Variants in GALNT8 observed in about 807,000 individuals in gnomAD.
GALNT8 encodes the protein polypeptide N-acetylgalactosaminyltransferase 8.
In GALNT8, 66 loss-of-function variants were observed where a neutral mutation model predicts 62.7. The ratio of observed to expected loss-of-function variants is 1.05; its 90% CI spans 0.86 to 1.29. The LOEUF (loss-of-function observed/expected upper bound fraction) is 1.29. GALNT8 is among the 50% of genes most tolerant of loss of function. The pLI, the probability that GALNT8 is intolerant of heterozygous loss-of-function variation, is 0.00. For synonymous variants in GALNT8, 288 were observed against 294.3 expected, an observed-to-expected ratio of 0.98 and a Z score of 0.22; for missense variants, 771 against 791.8, an observed-to-expected ratio of 0.97 and a Z score of 0.32.
intron 6 of GALNT8, among the ~76,000 whole-genome samples, chr12:4,747,117 G>A (rs984284149): frequency 4.6e-5 from 7 of 152,088 alleles, no homozygotes; most frequent in African/African-American, 1.2e-4. Context: ...TATTTAGGGC[G>A]TGCATGTGAT....
At position 4,726,176 on chromosome 12, in the gene GALNT8, A is replaced by G. The variant is rs1324414181; in HGVS notation, c.212-356A>G. On this transcript the variant is annotated intron_variant, in intron 1 of 10. Coordinates refer to ENST00000252318, the MANE Select transcript of GALNT8 (RefSeq NM_017417.2). The surrounding 1 kb of genome is among the most constrained non-coding windows in gnomAD (Gnocchi z 4.1). The stretch of plus-strand genomic sequence containing the variant: ...CCTGGGTATCTACATTAAAAAAAAA[A>G]TCACAACTGATTGATTCTGATGTAA... Among the ~76,000 whole-genome samples, 2 of 152,180 alleles carry G rather than the reference A, an allele frequency of 1.3e-5. No individual in the cohort carries two copies. Among genetic ancestry groups the G allele is most frequent in the African/African-American group, 2.4e-5 (1 of 41,436 alleles).
intron 6 of GALNT8, among the ~76,000 whole-genome samples, chr12:4,759,542 C>CT (rs949319842): frequency 8.0e-5 from 12 of 150,444 alleles, no homozygotes; most frequent in South Asian, 6.4e-4. Flanking sequence ...CAAAGCCTTG[C>CT]TTTTTTTTCT....
chr12:4,763,534 GT>G (rs1195557871), intron 8 of GALNT8, 144 bp downstream of exon 8: 1 of 678,954 alleles, frequency 1.5e-6, no homozygotes, highest in Admixed American at 2.4e-5. Context: ...AACCCTCTCA[GT>G]TTCCTTTTGT....
chr12:4,723,932 C>T (rs1331185231), intron 1 of GALNT8, among the ~76,000 whole-genome samples: 5 of 151,692 alleles, frequency 3.3e-5, no homozygotes, highest in South Asian at 2.1e-4. Flanking sequence ...GGGTGGATCA[C>T]GAGGTCAGGA....
At chr12:4,769,198 T>C (rs191407418) in intron 10 of GALNT8, among the ~76,000 whole-genome samples, 6 of 152,200 alleles carry the variant, frequency 3.9e-5, no homozygotes, top group Admixed American at 2.6e-4. Flanking sequence ...TAGTGAGGAA[T>C]AGTGAGGAGG....
In GALNT8 at chr12:4,727,610, A is replaced by G. The variant is rs1455762176; in HGVS notation, c.509+781A>G. Among the ~76,000 whole-genome samples, 5 of 152,208 alleles carry G rather than the reference A, an allele frequency of 3.3e-5. No individual in the cohort carries two copies. In the East Asian group the frequency reaches 9.6e-4, roughly 29 times the overall value. ...CCTTTTGTATTAATTGAATCAGGTA[A>G]TATGGGGTCTTTTGTGACTAACATT... On this transcript the variant is annotated intron_variant, in intron 2 of 10. Transcript: ENST00000252318.
At chr12:4,758,934 C>T (rs1285884992) in intron 6 of GALNT8, among the ~76,000 whole-genome samples, 1 of 151,942 alleles carries the variant, frequency 6.6e-6, no homozygotes, top group East Asian at 1.9e-4. Flanking sequence ...CACCACCACA[C>T]CAGGCTAATT....
intron 10 of GALNT8, among the ~76,000 whole-genome samples, chr12:4,765,747 T>G (rs548059057): frequency 6.6e-6 from 1 of 152,258 alleles, no homozygotes; most frequent in East Asian, 1.9e-4. Context: ...TAACCTACAG[T>G]CTGGGTCCAT....
chr12:4,735,588 C>T (rs912469859), intron 2 of GALNT8, among the ~76,000 whole-genome samples: 1 of 152,220 alleles, frequency 6.6e-6, no homozygotes, highest in Non-Finnish European at 1.5e-5. Context: ...CTCCCTTCTT[C>T]TACTTTGCCT....
chr12:4,723,727 G>A (rs950494874), intron 1 of GALNT8, among the ~76,000 whole-genome samples: 1 of 148,414 alleles, frequency 6.7e-6, no homozygotes, highest in Non-Finnish European at 1.5e-5. Flanking sequence ...AGTCTTCTGG[G>A]CCCTGTTTCT....
chr12:4,744,374 T>G, intron 3 of GALNT8, 143 bp from the exon 4 acceptor site: 1 of 597,262 alleles, frequency 1.7e-6, no homozygotes, highest in South Asian at 2.1e-5. Flanking sequence ...GCAGGGGAAA[T>G]ACTACTTATT....
At chr12:4,741,102 A>G (rs1946270221) in intron 3 of GALNT8, among the ~76,000 whole-genome samples, 1 of 152,172 alleles carries the variant, frequency 6.6e-6, no homozygotes, top group South Asian at 2.1e-4. Flanking sequence ...GTGGCAGCTC[A>G]TTGGAGGCAG....
intron 4 of GALNT8, 67 bp downstream of exon 4, chr12:4,744,767 C>A (rs866088989): frequency 4.7e-6 from 5 of 1,055,978 alleles, no homozygotes; most frequent in African/African-American, 3.1e-5. Context: ...GTACTGAACA[C>A]AAGACAGGAT....
At chr12:4,772,104 G>A (rs1028889600) in intron 10 of GALNT8, among the ~76,000 whole-genome samples, 2 of 152,178 alleles carry the variant, frequency 1.3e-5, no homozygotes, top group African/African-American at 4.8e-5. Context: ...GGGTGAGGAC[G>A]TGGAGAGGAG....
At chr12:4,721,186 G>A (rs1229691101) in intron 1 of GALNT8, among the ~76,000 whole-genome samples, 2 of 152,086 alleles carry the variant, frequency 1.3e-5, no homozygotes, top group Non-Finnish European at 2.9e-5. Context: ...CAGGCAACGA[G>A]AAGAATAAGA....
Position 4,725,079 on chromosome 12 carries a change from T to C in GALNT8, c.212-1453T>C, listed in dbSNP as rs149843597. 2.8e-3 allele frequency among the ~76,000 whole-genome samples: 424 copies of C among 152,334 alleles called. 1 individual carries two copies. The highest frequency in any genetic ancestry group is 9.5e-3 in the African/African-American group (395 of 41,576). ...GCTACACGTGATCCTGTCAGTCTGG[T>C]TGAAGTTTAGTGTGGGCTTAAGGGA... On this transcript the variant is annotated intron_variant, in intron 1 of 10. Transcript: ENST00000252318.
intron 1 of GALNT8, among the ~76,000 whole-genome samples, chr12:4,724,454 G>T (rs1291204482): frequency 6.6e-6 from 1 of 152,080 alleles, no homozygotes; most frequent in African/African-American, 2.4e-5. Context: ...GGATGGCCAG[G>T]TCCAAACCAG....
intron 2 of GALNT8, among the ~76,000 whole-genome samples, chr12:4,738,517 T>C (rs774544405): frequency 2.0e-5 from 3 of 152,118 alleles, no homozygotes; most frequent in Non-Finnish European, 4.4e-5. Flanking sequence ...ACCATACATC[T>C]GATAAGAAGT....
chr12:4,723,727 G>T (rs950494874), intron 1 of GALNT8, among the ~76,000 whole-genome samples: 1 of 148,412 alleles, frequency 6.7e-6, no homozygotes, highest in Admixed American at 6.7e-5. Flanking sequence ...AGTCTTCTGG[G>T]CCCTGTTTCT....
Sources: gnomAD v4.1 joint callset for allele counts (sites outside exome capture counted in the v4.1 genomes callset) on GRCh38, gnomAD v4.1.1 for gene constraint, Gnocchi (gnomAD v3.1) non-coding constraint, MANE v1.5 for transcripts, NCBI Gene and HGNC (gene_info 2026-07-23, HGNC 2026-07-21) for gene names.